The following ARHGAP6 variants were observed in gnomAD, a reference collection of about 807,000 sequenced individuals.
ARHGAP6 encodes Rho GTPase activating protein 6.
In ARHGAP6, 16 loss-of-function variants were observed where a neutral mutation model predicts 55.7. The ratio of observed to expected loss-of-function variants is 0.29; its 90% confidence interval spans 0.19 to 0.44. The LOEUF is 0.44. Ranked by LOEUF, ARHGAP6 falls within the 20% of genes least tolerant of loss-of-function variation. The pLI, the probability that ARHGAP6 is intolerant of heterozygous loss-of-function variation, is 1.00. For missense variants in ARHGAP6, 698 were observed against 808.9 expected, an observed-to-expected ratio of 0.86 and a Z score of 1.66; for synonymous variants, 382 against 360.9, an observed-to-expected ratio of 1.06 and a Z score of -0.66.
intron 1 of ARHGAP6, among the ~76,000 whole-genome samples, chrX:11,413,935 A>T: frequency 8.9e-6 from 1 of 112,032 alleles, no homozygotes; most frequent in Middle Eastern, 4.6e-3. Flanking sequence ...AACCTTTTAA[A>T]AAAATGTTTC....
intron 2 of ARHGAP6, chrX:11,225,777 C>A (rs1356436304): frequency 2.6e-5 from 11 of 419,737 alleles, no homozygotes; most frequent in Non-Finnish European, 4.3e-5. Context: ...TTTGGTAACA[C>A]AATACGTTCT....
At chrX:11,205,239 T>C (rs1380781101) in intron 2 of ARHGAP6, among the ~76,000 whole-genome samples, 8 of 111,358 alleles carry the variant, frequency 7.2e-5, no homozygotes, top group Non-Finnish European at 3.8e-5. Context: ...AGAGCAAGGT[T>C]GCTCACCCTA....
At chrX:11,189,783 A>G (rs1006536309) in intron 3 of ARHGAP6, among the ~76,000 whole-genome samples, 1 of 112,376 alleles carries the variant, frequency 8.9e-6, no homozygotes, top group Non-Finnish European at 1.9e-5. Flanking sequence ...GGAGACATAC[A>G]TAGAGTTCCT....
Position 11,452,466 on chromosome X carries a change from A to G in ARHGAP6, c.589-197759T>C, listed in dbSNP as rs190281591. Among the ~76,000 whole-genome samples, 64 of 112,134 alleles carry G rather than the reference A, an allele frequency of 5.7e-4. No homozygotes were observed. In the East Asian group the frequency reaches 0.015, roughly 25 times the overall value. On this transcript the variant is annotated intron_variant, in intron 1 of 12. Coordinates refer to ENST00000337414, the MANE Select transcript of ARHGAP6 (RefSeq NM_013427.3). Reference sequence around the variant, plus strand: ...CCAGGCCATGTTTTATATTTCTACAATGTTTTACAGTCCATGTAACAGTTT... The same window carrying G: ...CCAGGCCATGTTTTATATTTCTACAGTGTTTTACAGTCCATGTAACAGTTT...
intron 1 of ARHGAP6, among the ~76,000 whole-genome samples, chrX:11,661,036 G>A (rs907323980): frequency 8.9e-6 from 1 of 111,929 alleles, no homozygotes; most frequent in Non-Finnish European, 1.9e-5. Context: ...GTATGCTCAA[G>A]AAATGCTTGT....
intron 1 of ARHGAP6, among the ~76,000 whole-genome samples, chrX:11,446,731 T>G (rs1482270327): frequency 5.3e-5 from 6 of 112,159 alleles, no homozygotes; most frequent in Non-Finnish European, 1.1e-4. Flanking sequence ...TAGGCCTTAG[T>G]TGCAAATATG....
chrX:11,637,358 T>C (rs1210806996), intron 1 of ARHGAP6, among the ~76,000 whole-genome samples: 1 of 111,562 alleles, frequency 9.0e-6, no homozygotes, highest in Non-Finnish European at 1.9e-5. Context: ...AAGGCAACAA[T>C]AATAATATTT....
chrX:11,228,964 G>C (rs1243813498), intron 2 of ARHGAP6, among the ~76,000 whole-genome samples: 1 of 112,257 alleles, frequency 8.9e-6, no homozygotes, highest in Non-Finnish European at 1.9e-5. Flanking sequence ...AGACAGTTCT[G>C]TGAGAAAGCA....
At chrX:11,617,641 T>C (rs1410894156) in intron 1 of ARHGAP6, among the ~76,000 whole-genome samples, 1 of 111,688 alleles carries the variant, frequency 9.0e-6, no homozygotes, top group African/African-American at 3.3e-5. Context: ...GCCAGTGCAC[T>C]GGTGGTAAAG....
chrX:11,170,033 C>A lies in ARHGAP6; in HGVS notation c.1630-349G>T, dbSNP rs559452053. 3.5e-4 allele frequency among the ~76,000 whole-genome samples: 39 copies of A among 111,842 alleles called. No individual in the cohort carries two copies. In the South Asian group the frequency reaches 0.014, roughly 40 times the overall value. ...CCATTTCTCCATCCATCCCTTCATT[C>A]ATCAACCCATAATCTCACCACTGAT... On this transcript the variant is annotated intron_variant, in intron 8 of 12. Transcript: ENST00000337414.
At chrX:11,592,343 T>C (rs1232055169) in intron 1 of ARHGAP6, among the ~76,000 whole-genome samples, 1 of 111,959 alleles carries the variant, frequency 8.9e-6, no homozygotes, top group Admixed American at 9.5e-5. Context: ...CTTGTTGTGG[T>C]TCTTTGTGTG....
chrX:11,544,817 G>C (rs2051196106), intron 1 of ARHGAP6, among the ~76,000 whole-genome samples: 2 of 112,290 alleles, frequency 1.8e-5, no homozygotes, highest in Admixed American at 1.9e-4. Context: ...AGCAAATGAA[G>C]GATATGATAA....
intron 1 of ARHGAP6, among the ~76,000 whole-genome samples, chrX:11,577,169 C>G (rs2051609153): frequency 8.9e-6 from 1 of 112,306 alleles, no homozygotes. Context: ...TCTAAGAGAA[C>G]AGATTCACAA....
intron 1 of ARHGAP6, among the ~76,000 whole-genome samples, chrX:11,561,866 C>A (rs775750977): frequency 8.9e-6 from 1 of 112,123 alleles, no homozygotes; most frequent in South Asian, 3.7e-4. Flanking sequence ...ACCAAGGATG[C>A]AACATCTGGA....
intron 2 of ARHGAP6, among the ~76,000 whole-genome samples, chrX:11,241,531 CGTGTGTGTGTGTGTGTGT>C (rs55815640): frequency 3.3e-5 from 3 of 91,709 alleles, no homozygotes; most frequent in African/African-American, 7.9e-5. Flanking sequence ...ATGCTGGATA[CGTGTGTGTGTGTGTGTGT>C]GTGTGTGTGT....
At chrX:11,473,553 TG>T (rs2050371626) in intron 1 of ARHGAP6, among the ~76,000 whole-genome samples, 1 of 111,177 alleles carries the variant, frequency 9.0e-6, no homozygotes, top group Non-Finnish European at 1.9e-5. Context: ...ACTGGAGTCA[TG>T]TAACTGCATG....
intron 1 of ARHGAP6, among the ~76,000 whole-genome samples, chrX:11,264,244 A>G (rs763706175): frequency 4.7e-4 from 53 of 111,783 alleles, no homozygotes; most frequent in Non-Finnish European, 7.3e-4. Context: ...ATCAAACAAC[A>G]TAATTTAGCA....
intron 1 of ARHGAP6, among the ~76,000 whole-genome samples, chrX:11,575,593 G>A (rs954005832): frequency 2.4e-4 from 27 of 111,706 alleles, no homozygotes; most frequent in African/African-American, 2.9e-4. Context: ...CTGGAAGGGC[G>A]ACCACATGCC....
intron 5 of ARHGAP6, among the ~76,000 whole-genome samples, chrX:11,184,285 G>A (rs1272982499): frequency 8.9e-6 from 1 of 112,395 alleles, no homozygotes; most frequent in Non-Finnish European, 1.9e-5. Flanking sequence ...TTGGGGTCTT[G>A]CTATATTGCC....
Sources: gnomAD v4.1 joint callset for allele counts (sites outside exome capture counted in the v4.1 genomes callset) on GRCh38, gnomAD v4.1.1 for gene constraint, MANE v1.5 for transcripts, NCBI Gene and HGNC (gene_info 2026-07-23, HGNC 2026-07-21) for gene names.